Variants in RBFOX1 observed in about 807,000 individuals in gnomAD.
The protein encoded by RBFOX1 is RNA binding protein fox-1 homolog 1.
In RBFOX1, 8 loss-of-function variants were observed where a neutral mutation model predicts 57.7. The ratio of observed to expected loss-of-function variants is 0.14; its 90% CI spans 0.08 to 0.25. The LOEUF is 0.25. Among genes scored for constraint, RBFOX1 ranks in the 10% least tolerant of loss-of-function variants. The pLI, the probability that RBFOX1 is intolerant of heterozygous loss-of-function variation, is 1.00. For missense variants in RBFOX1, 611 were observed against 548.5 expected, an observed-to-expected ratio of 1.11 and a Z score of -1.14; for synonymous variants, 326 against 222.4, an observed-to-expected ratio of 1.47 and a Z score of -4.15.
chr16:6,833,280 C>T (rs936766088), intron 3 of RBFOX1, among the ~76,000 whole-genome samples: 3 of 152,018 alleles, frequency 2.0e-5, no homozygotes, highest in African/African-American at 7.2e-5. Flanking sequence ...ATTCTCCTGC[C>T]TCAGCCTCCT....
intron 4 of RBFOX1, among the ~76,000 whole-genome samples, chr16:7,195,639 C>A (rs954490697): frequency 6.6e-6 from 1 of 152,156 alleles, no homozygotes; most frequent in African/African-American, 2.4e-5. Context: ...CTCACTGCAA[C>A]CTCCACCTCC....
intron 3 of RBFOX1, among the ~76,000 whole-genome samples, chr16:6,939,612 C>G (rs527940609): frequency 2.6e-5 from 4 of 151,400 alleles, no homozygotes; most frequent in African/African-American, 9.7e-5. Context: ...CCCAAGTTCA[C>G]TTGATTCTCA....
At chr16:7,388,407 C>T (rs919955345) in intron 4 of RBFOX1, among the ~76,000 whole-genome samples, 1 of 152,130 alleles carries the variant, frequency 6.6e-6, no homozygotes, top group African/African-American at 2.4e-5. Flanking sequence ...AATTTAAAAT[C>T]TGTAGAGTGA....
intron 1 of RBFOX1, among the ~76,000 whole-genome samples, chr16:6,030,509 T>G (rs1180529425): frequency 6.6e-6 from 1 of 152,234 alleles, no homozygotes; most frequent in Non-Finnish European, 1.5e-5. Context: ...TTTCTCTTTT[T>G]ATTGTGATGT....
At chr16:5,266,016 A>G (rs535535124) in intron 1 of RBFOX1, among the ~76,000 whole-genome samples, 2 of 151,534 alleles carry the variant, frequency 1.3e-5, no homozygotes, top group South Asian at 4.2e-4. Flanking sequence ...TGGAAACCAA[A>G]TCCTAGCTCT....
At chr16:6,782,208 T>C (rs1470966302) in intron 3 of RBFOX1, among the ~76,000 whole-genome samples, 1 of 152,174 alleles carries the variant, frequency 6.6e-6, no homozygotes, top group Non-Finnish European at 1.5e-5. Flanking sequence ...GGTTTCGCCA[T>C]GTTGGCCAGG....
chr16:7,210,743 G>C (rs111452994), intron 4 of RBFOX1, among the ~76,000 whole-genome samples: 2,163 of 152,048 alleles, frequency 0.014, 55 homozygotes, highest in African/African-American at 0.05. Context: ...ATCAATAAGG[G>C]GGTTCAGGGA....
intron 1 of RBFOX1, among the ~76,000 whole-genome samples, chr16:6,168,047 T>A (rs80355436): frequency 6.6e-6 from 1 of 152,124 alleles, no homozygotes; most frequent in African/African-American, 2.4e-5. Context: ...ACTGACAGTT[T>A]TGTCTGTGAT....
At chr16:6,828,236 A>G (rs535155557) in intron 3 of RBFOX1, among the ~76,000 whole-genome samples, 2 of 152,024 alleles carry the variant, frequency 1.3e-5, no homozygotes, top group Non-Finnish European at 2.9e-5. Flanking sequence ...AGCATAGTAA[A>G]AATTTCAGGC....
chr16:6,412,088 G>C (rs1259860034), intron 2 of RBFOX1, among the ~76,000 whole-genome samples: 1 of 148,256 alleles, frequency 6.7e-6, no homozygotes, highest in East Asian at 2.0e-4. Flanking sequence ...AGCCAAGATC[G>C]TGCCATTGCA....
At position 7,001,908 on chromosome 16, in the gene RBFOX1, C is replaced by G. The variant is rs1269639129; in HGVS notation, c.-15-50149C>G. The stretch of plus-strand genomic sequence containing the variant: ...GGAGTCCCCATAGTAAGCGGGGGTC[C>G]CCAAAATAGAAGATCAGTTCTACTT... On this transcript the variant is annotated intron_variant, in intron 3 of 15. Coordinates refer to ENST00000550418, the MANE Select transcript of RBFOX1 (RefSeq NM_018723.4). Among the ~76,000 whole-genome samples the G allele has an allele frequency of 2.0e-5, 3 of 151,964 alleles. No individual in the cohort carries two copies. The East Asian group carries it at 5.8e-4, about 29-fold the overall frequency.
At chr16:6,228,387 G>C (rs779363149) in intron 1 of RBFOX1, among the ~76,000 whole-genome samples, 1 of 149,352 alleles carries the variant, frequency 6.7e-6, no homozygotes, top group Non-Finnish European at 1.5e-5. Context: ...AAGTGTCCCT[G>C]AACAGATGAA....
At chr16:5,735,288 C>T (rs1489377552) in intron 3 of RBFOX1, among the ~76,000 whole-genome samples, 2 of 152,198 alleles carry the variant, frequency 1.3e-5, no homozygotes, top group African/African-American at 4.8e-5. Flanking sequence ...TCATGGCTTC[C>T]ATTACTCAAA....
intron 3 of RBFOX1, among the ~76,000 whole-genome samples, chr16:5,761,461 A>C (rs1042567951): frequency 6.6e-6 from 1 of 152,208 alleles, no homozygotes; most frequent in African/African-American, 2.4e-5. Context: ...TTATAAAGGA[A>C]AGGGGTTCAA....
At chr16:6,845,142 C>G (rs974149973) in intron 3 of RBFOX1, among the ~76,000 whole-genome samples, 6 of 83,682 alleles carry the variant, frequency 7.2e-5, no homozygotes, top group African/African-American at 1.9e-4. Flanking sequence ...TCTGTTCACT[C>G]TGGTAGTTTC....
At chr16:6,769,942 G>T (rs1049386590) in intron 3 of RBFOX1, among the ~76,000 whole-genome samples, 1 of 152,154 alleles carries the variant, frequency 6.6e-6, no homozygotes, top group Admixed American at 6.6e-5. Context: ...TTCGTGAACT[G>T]TTCCTATCTA....
chr16:7,229,815 G>A (rs1427555242), intron 4 of RBFOX1, among the ~76,000 whole-genome samples: 1 of 37,088 alleles, frequency 2.7e-5, no homozygotes, highest in African/African-American at 1.3e-4. Flanking sequence ...GGAGAGAGAG[G>A]AAGGAAGGGA....
At chr16:5,298,231 A>G (rs2063715574) in intron 1 of RBFOX1, among the ~76,000 whole-genome samples, 1 of 152,238 alleles carries the variant, frequency 6.6e-6, no homozygotes. Context: ...TGTTAGATCA[A>G]GTAAAAAATA....
chr16:6,025,649 G>A (rs933160113), intron 1 of RBFOX1, among the ~76,000 whole-genome samples: 4 of 152,160 alleles, frequency 2.6e-5, no homozygotes, highest in Admixed American at 1.3e-4. Flanking sequence ...CCCTTTCAGA[G>A]TATGGCCACA....
Sources: gnomAD v4.1 joint callset for allele counts (sites outside exome capture counted in the v4.1 genomes callset) on GRCh38, gnomAD v4.1.1 for gene constraint, MANE v1.5 for transcripts, NCBI Gene and HGNC (gene_info 2026-07-23, HGNC 2026-07-21) for gene names.